The following PKHD1 variants were observed in gnomAD, a reference collection of about 807,000 sequenced individuals.
PKHD1 encodes the protein fibrocystin.
PKHD1 carries 291 observed loss-of-function variants against 412.0 expected under a neutral mutation model. The observed-to-expected ratio is 0.71, with a 90% confidence interval of 0.64 to 0.78. The LOEUF (loss-of-function observed/expected upper bound fraction) is 0.78. PKHD1 is among the 30% of genes least tolerant of loss of function. The pLI is 0.00. For missense variants in PKHD1, 4,825 were observed against 4,950.7 expected (o/e 0.97, Z 0.76); for synonymous variants, 1,777 against 1,821.5 (o/e 0.98, Z 0.62).
At chr6:51,651,182 T>A (rs1012044931) in intron 61 of PKHD1, among the ~76,000 whole-genome samples, 1 of 152,176 alleles carries the variant, frequency 6.6e-6, no homozygotes, top group Non-Finnish European at 1.5e-5. Flanking sequence ...AGCAAACATC[T>A]CTTGTTAAAT....
chr6:51,961,698 T>TG (rs1792066295), intron 35 of PKHD1, among the ~76,000 whole-genome samples: 13 of 151,836 alleles, frequency 8.6e-5, no homozygotes, highest in Admixed American at 8.5e-4. Flanking sequence ...TGAAAGAAGG[T>TG]GGGAAAAACA....
chr6:51,677,033 G>A (rs926415152), intron 60 of PKHD1, among the ~76,000 whole-genome samples: 4 of 151,992 alleles, frequency 2.6e-5, no homozygotes, highest in Admixed American at 2.6e-4. Context: ...TCTATTGAGG[G>A]ACCATAATAT....
intron 52 of PKHD1, among the ~76,000 whole-genome samples, chr6:51,827,441 A>G (rs1472205288): frequency 6.6e-6 from 1 of 152,150 alleles, no homozygotes; most frequent in Admixed American, 6.6e-5. Context: ...AGAAAGGTTT[A>G]CAGCTTGTCC....
intron 24 of PKHD1, 43 bp downstream of exon 24, chr6:52,045,961 C>T (rs1805738167): frequency 7.4e-7 from 1 of 1,350,070 alleles, no homozygotes; most frequent in Non-Finnish European, 1.1e-6. Context: ...AGAATTTCTC[C>T]AGGGCAGCAA....
chr6:52,081,730 G>A (rs1582150780), intron 4 of PKHD1, among the ~76,000 whole-genome samples: 1 of 152,316 alleles, frequency 6.6e-6, no homozygotes, highest in African/African-American at 2.4e-5. Flanking sequence ...TATGGTTGGT[G>A]ATTTCCATAG....
intron 60 of PKHD1, among the ~76,000 whole-genome samples, chr6:51,689,072 G>C (rs1777823983): frequency 6.6e-6 from 1 of 152,158 alleles, no homozygotes; most frequent in Admixed American, 6.5e-5. Context: ...CAATATCCCT[G>C]ATGAACATCG....
At chr6:51,645,423 T>C (rs1769966104) in intron 63 of PKHD1, among the ~76,000 whole-genome samples, 1 of 152,126 alleles carries the variant, frequency 6.6e-6, no homozygotes, top group African/African-American at 2.4e-5. Flanking sequence ...GACGGAGTCT[T>C]GCTCTGTCAC....
chr6:51,830,951 G>C lies in PKHD1; in HGVS notation c.8212C>G (p.Leu2738Val), dbSNP rs761723122. 9 of 1,612,126 alleles carry C rather than the reference G, an allele frequency of 5.6e-6. No homozygotes were observed. In the East Asian group the frequency reaches 8.9e-5, roughly 16 times the overall value. The change falls in exon 52 of 67, where the codon CTC becomes GTC. Residue 2738 changes from leucine to valine, a missense_variant. Coordinates refer to ENST00000371117, the MANE Select transcript of PKHD1 (RefSeq NM_138694.4). ...SAPESALKWS[L>V]PETWQGVEEG... ...TCAACACCTTGCCATGTTTCAGGGA[G>C]GGACCATTTTAAAGCTGATTCAGGG...
At chr6:52,001,453 G>A (rs1427232618) in intron 35 of PKHD1, among the ~76,000 whole-genome samples, 4 of 145,822 alleles carry the variant, frequency 2.7e-5, no homozygotes, top group African/African-American at 1.0e-4. Flanking sequence ...TTTTTGAGAT[G>A]GAGTCTCACT....
At chr6:51,707,062 A>G (rs1780097384) in intron 60 of PKHD1, among the ~76,000 whole-genome samples, 1 of 152,192 alleles carries the variant, frequency 6.6e-6, no homozygotes, top group Non-Finnish European at 1.5e-5. Context: ...AATATATAAG[A>G]ATTGCTTTAT....
chr6:51,834,300 G>A (rs757008287), intron 51 of PKHD1, among the ~76,000 whole-genome samples: 1 of 152,214 alleles, frequency 6.6e-6, no homozygotes, highest in Non-Finnish European at 1.5e-5. Context: ...ACAAGACTAG[G>A]GCTGCCTGAT....
At chr6:51,859,260 C>T (rs1314491424) in intron 48 of PKHD1, among the ~76,000 whole-genome samples, 1 of 152,072 alleles carries the variant, frequency 6.6e-6, no homozygotes, top group Non-Finnish European at 1.5e-5. Flanking sequence ...GGAGCGGTGG[C>T]TTATGCCTGT....
chr6:51,850,559 C>G (rs547407540), intron 49 of PKHD1, among the ~76,000 whole-genome samples: 1 of 152,086 alleles, frequency 6.6e-6, no homozygotes, highest in East Asian at 1.9e-4. Flanking sequence ...TGTGTCCTCT[C>G]TTATTTCCTT....
intron 1 of PKHD1, among the ~76,000 whole-genome samples, chr6:52,087,007 C>A (rs79128930): frequency 0.016 from 2,436 of 152,254 alleles, 64 homozygotes; most frequent in African/African-American, 0.056. Flanking sequence ...AATGCCTACT[C>A]CCAAGCTCAG....
At chr6:51,639,809 T>C (rs2580018) in intron 63 of PKHD1, among the ~76,000 whole-genome samples, 6,513 of 152,306 alleles carry the variant, frequency 0.043, 236 homozygotes, top group African/African-American at 0.093. Context: ...GAAAGTGGTC[T>C]GAAAGTTTAT....
intron 60 of PKHD1, among the ~76,000 whole-genome samples, chr6:51,667,573 C>G (rs1287456655): frequency 7.0e-4 from 107 of 151,854 alleles, no homozygotes; most frequent in Admixed American, 6.2e-3. Context: ...GTCCATTTTG[C>G]CTTTTGTTGC....
chr6:51,699,056 A>G (rs565041797), intron 60 of PKHD1, among the ~76,000 whole-genome samples: 1 of 152,346 alleles, frequency 6.6e-6, no homozygotes, highest in East Asian at 1.9e-4. Flanking sequence ...TGGTTAAACA[A>G]TTATCCAAAT....
chr6:51,694,246 T>C (rs72899361), intron 60 of PKHD1, among the ~76,000 whole-genome samples: 7,266 of 152,194 alleles, frequency 0.048, 261 homozygotes, highest in Middle Eastern at 0.12. Context: ...TACTACATTC[T>C]GGTCTCATCC....
chr6:51,756,057 A>G (rs1264671348), intron 55 of PKHD1, among the ~76,000 whole-genome samples: 1 of 152,180 alleles, frequency 6.6e-6, no homozygotes, highest in Non-Finnish European at 1.5e-5. Context: ...AATTAAACCT[A>G]ATCATTTGCA....
Sources: gnomAD v4.1 joint callset for allele counts (sites outside exome capture counted in the v4.1 genomes callset) on GRCh38, gnomAD v4.1.1 for gene constraint, MANE v1.5 for transcripts, NCBI Gene and HGNC (gene_info 2026-07-23, HGNC 2026-07-21) for gene names.